The following ATRNL1 variants were observed in gnomAD, a reference collection of about 807,000 sequenced individuals.
ATRNL1 encodes attractin like 1.
ATRNL1 carries 95 observed loss-of-function variants against 182.7 expected under a neutral mutation model. The ratio of observed to expected loss-of-function variants is 0.52; its 90% CI spans 0.44 to 0.62. ATRNL1 has a LOEUF of 0.62. Ranked by LOEUF, ATRNL1 falls within the 20% of genes least tolerant of loss-of-function variation. The pLI is 0.00. For synonymous variants in ATRNL1, 576 were observed against 568.3 expected (o/e 1.01, Z -0.19); for missense variants, 1,471 against 1,679.5 (o/e 0.88, Z 2.17).
At chr10:115,594,578 C>T (rs1856115056) in intron 26 of ATRNL1, among the ~76,000 whole-genome samples, 1 of 152,234 alleles carries the variant, frequency 6.6e-6, no homozygotes, top group Non-Finnish European at 1.5e-5. Flanking sequence ...GCGATCGTGG[C>T]TCACCGCAAT....
At chr10:115,823,289 G>T (rs1950347051) in intron 27 of ATRNL1, among the ~76,000 whole-genome samples, 1 of 152,102 alleles carries the variant, frequency 6.6e-6, no homozygotes, top group Non-Finnish European at 1.5e-5. Flanking sequence ...AAAATAATAA[G>T]AGATATTTAT....
chr10:115,731,033 G>C (rs1261853082), intron 27 of ATRNL1, among the ~76,000 whole-genome samples: 2 of 152,086 alleles, frequency 1.3e-5, no homozygotes, highest in Non-Finnish European at 2.9e-5. Flanking sequence ...AGTCTCGCTG[G>C]CAGATGATTG....
At chr10:115,262,844 T>C (rs1344899738) in intron 10 of ATRNL1, among the ~76,000 whole-genome samples, 1 of 151,982 alleles carries the variant, frequency 6.6e-6, no homozygotes, top group Non-Finnish European at 1.5e-5. Flanking sequence ...TTGGTAAAAA[T>C]TTTAAGTCTG....
intron 28 of ATRNL1, among the ~76,000 whole-genome samples, chr10:115,925,401 A>G (rs1397678684): frequency 1.3e-5 from 2 of 152,152 alleles, no homozygotes; most frequent in African/African-American, 4.8e-5. Flanking sequence ...TCAGGTTCAC[A>G]CATAACAATA....
chr10:115,414,767 ATAT>A (rs2134352226), intron 20 of ATRNL1, among the ~76,000 whole-genome samples: 1 of 151,998 alleles, frequency 6.6e-6, no homozygotes, highest in African/African-American at 2.4e-5. Context: ...AAAAGCTGAC[ATAT>A]TATTAGATGT....
chr10:115,429,895 G>A lies in ATRNL1; in HGVS notation c.3322+3593G>A, dbSNP rs202038174. The stretch of plus-strand genomic sequence containing the variant: ...ATCCTGGCTAACGCGTTGAAACCCC[G>A]TCTCTACTAAAAATACAAAAACAAA... On this transcript the variant is annotated intron_variant, in intron 21 of 28. Coordinates refer to ENST00000355044, the MANE Select transcript of ATRNL1 (RefSeq NM_207303.4). 5.9e-5 allele frequency among the ~76,000 whole-genome samples: 9 copies of A among 152,066 alleles called. No individual in the cohort carries two copies. In the East Asian group the frequency reaches 1.6e-3, roughly 26 times the overall value.
At chr10:115,791,615 A>G (rs762362254) in intron 27 of ATRNL1, among the ~76,000 whole-genome samples, 11 of 152,200 alleles carry the variant, frequency 7.2e-5, no homozygotes, top group Non-Finnish European at 1.6e-4. Context: ...CTTTGTATAT[A>G]GATGAGTTCC....
intron 24 of ATRNL1, among the ~76,000 whole-genome samples, chr10:115,509,673 C>T (rs1270896641): frequency 6.6e-6 from 1 of 151,880 alleles, no homozygotes; most frequent in South Asian, 2.1e-4. Context: ...CAATTAAGCC[C>T]CTTTTCTTTA....
chr10:115,354,333 C>A (rs1228880258), intron 19 of ATRNL1, among the ~76,000 whole-genome samples: 3 of 152,094 alleles, frequency 2.0e-5, no homozygotes, highest in African/African-American at 7.2e-5. Context: ...TTGATAAAAT[C>A]TCTTCAGCAT....
At chr10:115,423,323 C>T (rs1845728957) in intron 20 of ATRNL1, among the ~76,000 whole-genome samples, 1 of 152,020 alleles carries the variant, frequency 6.6e-6, no homozygotes, top group African/African-American at 2.4e-5. Context: ...TGCTTGAGTC[C>T]AGGAGTTGGA....
chr10:115,704,661 C>T (rs1946841979), intron 26 of ATRNL1, among the ~76,000 whole-genome samples: 1 of 151,812 alleles, frequency 6.6e-6, no homozygotes, highest in Admixed American at 6.6e-5. Flanking sequence ...AAAGCTAACA[C>T]ACCTAGGTTC....
chr10:115,374,453 T>TTTCCTTCCTTCC (rs149427595), intron 19 of ATRNL1, among the ~76,000 whole-genome samples: 8,180 of 135,734 alleles, frequency 0.06, 346 homozygotes, highest in African/African-American at 0.11. Flanking sequence ...CCTTCCTTCC[T>TTTCCTTCCTTCC]TTCCTTCCTT....
At chr10:115,502,878 A>C (rs540270237) in intron 24 of ATRNL1, among the ~76,000 whole-genome samples, 1 of 152,232 alleles carries the variant, frequency 6.6e-6, no homozygotes, top group South Asian at 2.1e-4. Flanking sequence ...TGTTCCCCAG[A>C]ACTTAAAGTA....
At chr10:115,179,615 A>G (rs1019924507) in intron 8 of ATRNL1, among the ~76,000 whole-genome samples, 2 of 152,060 alleles carry the variant, frequency 1.3e-5, no homozygotes, top group African/African-American at 4.8e-5. Flanking sequence ...AGTAGCTACT[A>G]TTGGCTTTTT....
chr10:115,488,060 C>T (rs782117312), intron 24 of ATRNL1, among the ~76,000 whole-genome samples: 6 of 152,138 alleles, frequency 3.9e-5, no homozygotes, highest in Non-Finnish European at 7.3e-5. Flanking sequence ...TCTTGCATCT[C>T]AGGGATGAAG....
At chr10:115,528,820 T>A (rs1259262592) in intron 25 of ATRNL1, among the ~76,000 whole-genome samples, 1 of 152,152 alleles carries the variant, frequency 6.6e-6, no homozygotes, top group African/African-American at 2.4e-5. Context: ...ATGTTGTGTT[T>A]TAATTTTCAC....
chr10:115,729,533 G>GTGT (rs1386896786), intron 27 of ATRNL1, among the ~76,000 whole-genome samples: 1 of 127,222 alleles, frequency 7.9e-6, no homozygotes, highest in African/African-American at 2.6e-5. Flanking sequence ...GTGTGTGTGT[G>GTGT]TGTTGTTACT....
At position 115,515,763 on chromosome 10, in the gene ATRNL1, CTGTTGGAAGTTCATT is replaced by C. The variant is rs544478477; in HGVS notation, c.3655-3495_3655-3481del. ...TGTTTATATTAACATCCCCACCACTCTGTTGGAAGTTCATTTGTTTAAATTACTCATGAAGTTCAT... is the reference window on the plus strand; with the variant it reads ...TGTTTATATTAACATCCCCACCACTCTGTTTAAATTACTCATGAAGTTCAT... On this transcript the variant is annotated intron_variant, in intron 24 of 28. Coordinates refer to ENST00000355044, the MANE Select transcript of ATRNL1 (RefSeq NM_207303.4). 2.6e-3 allele frequency among the ~76,000 whole-genome samples: 400 copies of C among 151,994 alleles called. 1 individual carries two copies. The highest frequency in any genetic ancestry group is 9.0e-3 in the African/African-American group (375 of 41,556).
intron 11 of ATRNL1, 74 bp from the exon 12 acceptor site, chr10:115,266,723 T>C: frequency 1.2e-6 from 1 of 844,132 alleles, no homozygotes; most frequent in Non-Finnish European, 1.9e-6. Context: ...AATCTATGCT[T>C]ATTTTTATAA....
Sources: allele counts gnomAD v4.1 joint callset (sites outside exome capture counted in the v4.1 genomes callset), GRCh38; gene constraint gnomAD v4.1.1; transcripts MANE v1.5; gene names NCBI Gene and HGNC (gene_info 2026-07-23, HGNC 2026-07-21).